The following RGP1 variants were observed in gnomAD, a reference collection of about 807,000 sequenced individuals.
The protein encoded by RGP1 is RAB6A-GEF complex partner protein 2.
In RGP1, 28 loss-of-function variants were observed where a neutral mutation model predicts 44.5. The observed-to-expected ratio is 0.63, with a 90% CI of 0.47 to 0.86. RGP1 has a LOEUF of 0.86. RGP1 is among the 40% of genes least tolerant of loss of function. RGP1 has a pLI of 0.00. For missense variants in RGP1, 417 were observed against 490.7 expected (o/e 0.85, Z 1.42); for synonymous variants, 212 against 196.7 (o/e 1.08, Z -0.65).
the RGP1 span, among the ~76,000 whole-genome samples, chr9:35,768,534 C>G: frequency 6.6e-6 from 1 of 152,160 alleles, no homozygotes; most frequent in African/African-American, 2.4e-5. Flanking sequence ...CAACCACACT[C>G]AGAAAAAATA....
chr9:35,776,355 C>G, the RGP1 span, among the ~76,000 whole-genome samples: 1 of 151,334 alleles, frequency 6.6e-6, no homozygotes, highest in African/African-American at 2.4e-5. Context: ...GGTATGATCT[C>G]GGTTCACTGC....
the RGP1 span, among the ~76,000 whole-genome samples, chr9:35,788,340 G>A: frequency 3.9e-5 from 6 of 152,164 alleles, no homozygotes; most frequent in African/African-American, 7.2e-5. Flanking sequence ...AATCTGAGGC[G>A]AGTGGATCAC....
chr9:35,751,183 C>G, intron 5 of RGP1, 83 bp from the exon 6 acceptor site: 1 of 1,541,002 alleles, frequency 6.5e-7, no homozygotes, highest in Non-Finnish European at 8.9e-7. Flanking sequence ...CTTTAGCCAT[C>G]TCATGTTAGA....
chr9:35,758,494 G>A lies in RGP1; in HGVS notation c.*5620G>A, dbSNP rs1331418134. ...ATGATCTGTGTTATGTTGGGCCAAA[G>A]GTGATTACTTTATAAATTATAAAGA... On this transcript the variant is annotated 3_prime_UTR_variant, in exon 9 of 9. Coordinates refer to ENST00000378078, the MANE Select transcript of RGP1 (RefSeq NM_001080496.3). 1.3e-5 allele frequency: 2 copies of A among 152,042 alleles called. No homozygotes were observed. The highest frequency in any genetic ancestry group is 2.9e-5 in the Non-Finnish European group (2 of 68,020). The allele number at this position is 152,042 out of a possible 1,614,324, so 9.4% of individuals were successfully genotyped here. A position where few individuals can be genotyped will look rare whatever the true frequency, so the allele number is the denominator to read the frequency against.
downstream of RGP1, among the ~76,000 whole-genome samples, chr9:35,763,343 T>C (rs1055312812): frequency 6.6e-6 from 1 of 152,216 alleles, no homozygotes; most frequent in Non-Finnish European, 1.5e-5. Flanking sequence ...CATCCTATTA[T>C]GAGTAATTAA....
Position 35,750,720 on chromosome 9 carries a change from G to A in RGP1, c.316G>A (p.Asp106Asn). The stretch of plus-strand genomic sequence containing the variant: ...AATTCTATTCTGTGACCTGAGGCTT[G>A]ATCCTGGAGAGTCCAAATCATGTGA... ...PKILFCDLRL[D>N]PGESKSYSYS... Residue 106 changes from aspartate to asparagine, a missense_variant, in exon 4 of 9, where the codon GAT becomes AAT. Asp to Asn is a conservative substitution (Grantham distance 23). Coordinates refer to ENST00000378078, the MANE Select transcript of RGP1 (RefSeq NM_001080496.3). 1 of 1,613,948 alleles carries A rather than the reference G, an allele frequency of 6.2e-7. No homozygotes were observed. Among genetic ancestry groups the A allele is most frequent in the East Asian group, 2.2e-5 (1 of 44,884 alleles).
At position 35,751,635 on chromosome 9, in the gene RGP1, A is replaced by G. The variant is rs756035475; in HGVS notation, c.643A>G (p.Asn215Asp). ...TGTCCTATTCTCCCCAGATCTATAC[A>G]ATATCAGTGATGGCCGAGGGAAAGT... ...ATSCRSLHLYNISDGRGKVGT... is the reference protein window; with the variant it reads ...ATSCRSLHLYDISDGRGKVGT... Residue 215 changes from asparagine (N) to aspartate (D), a missense_variant, in exon 7 of 9, where the codon AAT becomes GAT. Asn to Asp is a conservative substitution (Grantham distance 23, BLOSUM62 1). Coordinates refer to ENST00000378078, the MANE Select transcript of RGP1 (RefSeq NM_001080496.3). 6.8e-6 allele frequency: 11 copies of G among 1,613,874 alleles called. No homozygotes were observed. The highest frequency in any genetic ancestry group is 9.3e-6 in the Non-Finnish European group (11 of 1,179,906).
At chr9:35,771,651 G>A in the RGP1 span, among the ~76,000 whole-genome samples, 1 of 152,172 alleles carries the variant, frequency 6.6e-6, no homozygotes, top group East Asian at 1.9e-4. Flanking sequence ...GGAAGAGAAG[G>A]GAGGCAGTTA....
the RGP1 span, among the ~76,000 whole-genome samples, chr9:35,784,261 G>C: frequency 1.4e-4 from 21 of 152,024 alleles, no homozygotes; most frequent in African/African-American, 4.8e-4. Flanking sequence ...TGTCTCCTTT[G>C]CTGTGAAGAA....
chr9:35,754,870 C>T lies in RGP1; in HGVS notation c.*1996C>T, dbSNP rs758884950. 1.3e-5 allele frequency: 2 copies of T among 152,208 alleles called. No individual in the cohort carries two copies. Among genetic ancestry groups the T allele is most frequent in the African/African-American group, 2.4e-5 (1 of 41,440 alleles). 9.4% of individuals were successfully genotyped at this position (152,208 alleles called of 1,614,324 possible). The stretch of plus-strand genomic sequence containing the variant: ...GAGGTGAACTGTCCATTGCTTATCA[C>T]CTTCAAACATACAGCAGATGTGGGA... On this transcript the variant is annotated 3_prime_UTR_variant, in exon 9 of 9. Coordinates refer to ENST00000378078, the MANE Select transcript of RGP1 (RefSeq NM_001080496.3).
At chr9:35,785,398 T>A in the RGP1 span, among the ~76,000 whole-genome samples, 5 of 150,822 alleles carry the variant, frequency 3.3e-5, no homozygotes, top group Non-Finnish European at 7.4e-5. Context: ...CCACCCCCAC[T>A]GTTTCATCTG....
In RGP1 at chr9:35,754,579, C is replaced by T. The variant is rs1827330798; in HGVS notation, c.*1705C>T. On this transcript the variant is annotated 3_prime_UTR_variant, in exon 9 of 9. Transcript: ENST00000378078. ...GCATTCCACCTTCCCCCTTTCTCCC[C>T]CACTGCCACCACCAGGGGTGTGTAT... is the stretch of plus-strand genomic sequence containing the variant. 6.5e-6 allele frequency: 1 copy of T among 153,974 alleles called. No individual in the cohort carries two copies. The highest frequency in any genetic ancestry group is 1.4e-5 in the Non-Finnish European group (1 of 69,378). 9.5% of individuals were successfully genotyped at this position (153,974 alleles called of 1,614,324 possible).
chr9:35,782,942 G>A, the RGP1 span, among the ~76,000 whole-genome samples: 1 of 151,298 alleles, frequency 6.6e-6, no homozygotes, highest in East Asian at 1.9e-4. Context: ...CCAAGTAGCT[G>A]GGATTACAGG....
chr9:35,752,906 G>A lies in RGP1; in HGVS notation c.*32G>A. ...CCCACCCTGGTGCTAGTTCCTTCCG[G>A]ATACTGAGAACTCAGCACCTGGACT... On this transcript the variant is annotated 3_prime_UTR_variant, in exon 9 of 9. Transcript: ENST00000378078. The A allele has an allele frequency of 1.9e-6, 3 of 1,602,062 alleles. No individual in the cohort carries two copies. The highest frequency in any genetic ancestry group is 2.6e-6 in the Non-Finnish European group (3 of 1,172,436).
Position 35,753,455 on chromosome 9 carries a change from G to T in RGP1, c.*581G>T. 1.2e-6 allele frequency: 1 copy of T among 800,744 alleles called. No homozygotes were observed. The allele number at this position is 800,744 out of a possible 1,614,324, so 49.6% of individuals were successfully genotyped here. A position where few individuals can be genotyped will look rare whatever the true frequency, so the allele number is the denominator to read the frequency against. Reference sequence around the variant, plus strand: ...TGGGCCTTTTTGTTTTATAACAGGAGTATTTTCTCTCCAGGTCCACCCCAA... The same window carrying T: ...TGGGCCTTTTTGTTTTATAACAGGATTATTTTCTCTCCAGGTCCACCCCAA... On this transcript the variant is annotated 3_prime_UTR_variant, in exon 9 of 9. Transcript: ENST00000378078. This position sits in a 1 kb window ranked among gnomAD's most constrained non-coding sequence, Gnocchi z 4.2.
At chr9:35,769,590 A>T in the RGP1 span, among the ~76,000 whole-genome samples, 1 of 152,202 alleles carries the variant, frequency 6.6e-6, no homozygotes, top group South Asian at 2.1e-4. Flanking sequence ...AGGAAGTAGG[A>T]AGGTTTGTGC....
chr9:35,774,452 G>A, the RGP1 span, among the ~76,000 whole-genome samples: 1 of 152,252 alleles, frequency 6.6e-6, no homozygotes, highest in Non-Finnish European at 1.5e-5. Context: ...ACTTGGCCGG[G>A]CGCGGTGGCT....
the RGP1 span, among the ~76,000 whole-genome samples, chr9:35,770,964 C>T: frequency 6.6e-6 from 1 of 152,194 alleles, no homozygotes; most frequent in Non-Finnish European, 1.5e-5. Context: ...AACCTTTAAC[C>T]TGGTGAGGTT....
chr9:35,786,991 T>C, the RGP1 span, among the ~76,000 whole-genome samples: 195 of 150,976 alleles, frequency 1.3e-3, 1 homozygote, highest in South Asian at 0.022. Flanking sequence ...TTCCAGCTAC[T>C]CGGGAGGCTG....
Sources: gnomAD v4.1 joint callset for allele counts (sites outside exome capture counted in the v4.1 genomes callset) on GRCh38, gnomAD v4.1.1 for gene constraint, Gnocchi (gnomAD v3.1) non-coding constraint, MANE v1.5 for transcripts, NCBI Gene and HGNC (gene_info 2026-07-23, HGNC 2026-07-21) for gene names.